ELF4: variants seen among roughly 807,000 people sequenced by gnomAD.
The protein encoded by ELF4 is E74 like ETS transcription factor 4.
In ELF4, 10 loss-of-function variants were observed where a neutral mutation model predicts 31.7. That is an observed-to-expected ratio of 0.32 (90% CI 0.19 to 0.54). ELF4 has a LOEUF of 0.54. Among genes scored for constraint, ELF4 ranks in the 20% least tolerant of loss-of-function variants. The pLI is 0.95. For missense variants in ELF4, 418 were observed against 522.0 expected, an observed-to-expected ratio of 0.80 and a Z score of 1.94; for synonymous variants, 208 against 226.7, an observed-to-expected ratio of 0.92 and a Z score of 0.74.
At chrX:130,089,526 A>C (rs975733060) in intron 1 of ELF4, among the ~76,000 whole-genome samples, 2 of 104,320 alleles carry the variant, frequency 1.9e-5, no homozygotes, top group African/African-American at 3.5e-5. Flanking sequence ...AAAAAAAAAA[A>C]AAAAAAAAAA....
intron 1 of ELF4, among the ~76,000 whole-genome samples, chrX:130,081,948 G>A (rs1932892825): frequency 1.8e-5 from 2 of 112,055 alleles, no homozygotes; most frequent in African/African-American, 3.2e-5. Context: ...GCCTGGCCTC[G>A]TGGACGAGGC....
intron 4 of ELF4, among the ~76,000 whole-genome samples, chrX:130,073,759 G>A (rs1394210222): frequency 8.9e-6 from 1 of 112,215 alleles, no homozygotes; most frequent in Admixed American, 9.4e-5. Flanking sequence ...TGACCCACCC[G>A]CCTCAGCCTC....
At chrX:130,101,694 G>A (rs1466352549) in intron 1 of ELF4, among the ~76,000 whole-genome samples, 1 of 110,508 alleles carries the variant, frequency 9.0e-6, no homozygotes, top group Non-Finnish European at 1.9e-5. Flanking sequence ...GGGAGGTCGG[G>A]AGGCTGAGGC....
chrX:130,082,413 A>G (rs1341432617), intron 1 of ELF4, among the ~76,000 whole-genome samples: 1 of 111,826 alleles, frequency 8.9e-6, no homozygotes, highest in Non-Finnish European at 1.9e-5. Context: ...CTTTGCTTTC[A>G]GTTTCAAGAG....
intron 1 of ELF4, among the ~76,000 whole-genome samples, chrX:130,110,119 T>G (rs1222991125): frequency 9.0e-6 from 1 of 111,203 alleles, no homozygotes. Flanking sequence ...GGGGAATCCA[T>G]TCCACTTCCA....
chrX:130,098,843 G>A (rs1453184283), intron 1 of ELF4, among the ~76,000 whole-genome samples: 1 of 111,918 alleles, frequency 8.9e-6, no homozygotes, highest in East Asian at 2.8e-4. Flanking sequence ...CCTGCAGGCA[G>A]GCCCTACAGA....
At chrX:130,084,507 A>G (rs1305095339) in intron 1 of ELF4, among the ~76,000 whole-genome samples, 1 of 111,960 alleles carries the variant, frequency 8.9e-6, no homozygotes, top group Non-Finnish European at 1.9e-5. Flanking sequence ...TTCTGTGTCC[A>G]CATATTGAGG....
chrX:130,071,785 C>T (rs768640177), intron 5 of ELF4, among the ~76,000 whole-genome samples: 3 of 112,672 alleles, frequency 2.7e-5, no homozygotes, highest in African/African-American at 9.7e-5. Context: ...AAGCAGCCAT[C>T]GCCTGAGTAA....
chrX:130,086,143 C>T (rs950998058), intron 1 of ELF4, among the ~76,000 whole-genome samples: 22 of 112,359 alleles, frequency 2.0e-4, no homozygotes, highest in African/African-American at 7.1e-4. Flanking sequence ...GCTATTTTGT[C>T]AGCTCTTTCT....
chrX:130,085,036 C>T (rs954881896), intron 1 of ELF4, among the ~76,000 whole-genome samples: 4 of 112,200 alleles, frequency 3.6e-5, no homozygotes, highest in Admixed American at 9.4e-5. Flanking sequence ...GGAGCACACA[C>T]GGACACTTGG....
chrX:130,065,101 C>A lies in ELF4; in HGVS notation c.*1620G>T. The A allele has an allele frequency of 5.7e-6, 1 of 174,739 alleles. No individual in the cohort carries two copies. The highest frequency in any genetic ancestry group is 1.1e-5 in the Non-Finnish European group (1 of 90,933). 14.4% of individuals were successfully genotyped at this position (174,739 alleles called of 1,213,427 possible). ...AACAAAGAAGAGAAGAGCGAGAGCG[C>A]GGCCAGGGGAGGTAGTTAGGTCAAG... On this transcript the variant is annotated 3_prime_UTR_variant, in exon 9 of 9. Transcript: ENST00000308167.
In ELF4 at chrX:130,064,658, A is replaced by C. The variant is rs180802344; in HGVS notation, c.*2063T>G. Among the ~76,000 whole-genome samples the C allele has an allele frequency of 2.7e-3, 298 of 111,650 alleles. No individual in the cohort carries two copies. Among genetic ancestry groups the C allele is most frequent in the Admixed American group, 7.4e-3 (78 of 10,551 alleles). ...GCCACGTTGGAAGTGGTAGGTGAAG[A>C]ACCAGCCCCGGAAAGGGTGATGGGG... is the stretch of plus-strand genomic sequence containing the variant. On this transcript the variant is annotated 3_prime_UTR_variant, in exon 9 of 9. Coordinates refer to ENST00000308167, the MANE Select transcript of ELF4 (RefSeq NM_001421.4).
At chrX:130,085,129 C>T (rs1251948525) in intron 1 of ELF4, among the ~76,000 whole-genome samples, 1 of 112,354 alleles carries the variant, frequency 8.9e-6, no homozygotes, top group Admixed American at 9.4e-5. Flanking sequence ...CAGCTCACAG[C>T]TTGCTCCAGT....
At chrX:130,075,122 C>A (rs1234387749) in intron 2 of ELF4, among the ~76,000 whole-genome samples, 1 of 110,557 alleles carries the variant, frequency 9.0e-6, no homozygotes, top group Non-Finnish European at 1.9e-5. Context: ...GTGTGTGCCA[C>A]CATGCCTGGC....
intron 1 of ELF4, among the ~76,000 whole-genome samples, chrX:130,097,536 C>T (rs759741987): frequency 1.8e-5 from 2 of 112,355 alleles, no homozygotes; most frequent in South Asian, 7.3e-4. Context: ...CCTTTGGGTG[C>T]TGCAGGAGGC....
At position 130,071,376 on chromosome X, in the gene ELF4, G is replaced by A; in HGVS notation, c.576C>T (p.Asp192=). 8.3e-7 allele frequency: 1 copy of A among 1,212,026 alleles called. No individual in the cohort carries two copies. The highest frequency in any genetic ancestry group is 1.1e-6 in the Non-Finnish European group (1 of 895,585). The part of the protein sequence containing the change: ...KGNRSTSPVT[D]PSIPIRKKSK... Reference sequence around the variant, plus strand: ...ATTTCTTCCTAATGGGGATGCTGGGGTCAGTGACAGGTGAGGTACTTCGGT... The same window carrying A: ...ATTTCTTCCTAATGGGGATGCTGGGATCAGTGACAGGTGAGGTACTTCGGT... Residue 192 remains aspartate (D), a synonymous_variant, in exon 6 of 9, where the codon GAC becomes GAT. Coordinates refer to ENST00000308167, the MANE Select transcript of ELF4 (RefSeq NM_001421.4).
intron 2 of ELF4, among the ~76,000 whole-genome samples, chrX:130,079,949 A>G (rs890218504): frequency 8.9e-6 from 1 of 111,968 alleles, no homozygotes; most frequent in Non-Finnish European, 1.9e-5. Context: ...AAGGAGGTAG[A>G]CGGAAAGTTC....
intron 4 of ELF4, among the ~76,000 whole-genome samples, chrX:130,073,074 T>A (rs1363905310): frequency 1.8e-5 from 2 of 111,574 alleles, no homozygotes; most frequent in Non-Finnish European, 3.8e-5. Context: ...TGGGCAAGGA[T>A]CACTTATTTC....
At chrX:130,068,087 C>G (rs997264068) in intron 8 of ELF4, among the ~76,000 whole-genome samples, 1 of 112,183 alleles carries the variant, frequency 8.9e-6, no homozygotes, top group African/African-American at 3.2e-5. Context: ...GCTGGGATTA[C>G]AGGTGTGAGC....
Sources: gnomAD v4.1 joint callset for allele counts (sites outside exome capture counted in the v4.1 genomes callset) on GRCh38, gnomAD v4.1.1 for gene constraint, MANE v1.5 for transcripts, NCBI Gene and HGNC (gene_info 2026-07-23, HGNC 2026-07-21) for gene names.